The following SPTBN2 variants were observed in gnomAD, a reference collection of about 807,000 sequenced individuals.
SPTBN2 encodes the protein spectrin beta, non-erythrocytic 2.
A neutral mutation model predicts 284.2 loss-of-function variants in SPTBN2; 107 were observed. The ratio of observed to expected loss-of-function variants is 0.38; its 90% CI spans 0.32 to 0.44. The LOEUF is 0.44. SPTBN2 is among the 20% of genes least tolerant of loss of function. The probability of loss-of-function intolerance (pLI) is 1.00; values close to 1 mark genes in which losing one functional copy is unlikely to be tolerated. For synonymous variants in SPTBN2, 1,289 were observed against 1,354.8 expected, an observed-to-expected ratio of 0.95 and a Z score of 1.07; for missense variants, 2,569 against 3,287.1, an observed-to-expected ratio of 0.78 and a Z score of 5.34.
In SPTBN2 at chr11:66,689,837, G is replaced by C. The variant is rs778987846; in HGVS notation, c.5917C>G (p.Leu1973Val). 2 of 1,613,988 alleles carry C rather than the reference G, an allele frequency of 1.2e-6. No homozygotes were observed. The highest frequency in any genetic ancestry group is 1.7e-6 in the Non-Finnish European group (2 of 1,180,048). Residue 1973 changes from leucine (L) to valine (V), a missense_variant, in exon 29 of 38, where the codon CTG (leucine) becomes GTG (valine). By Grantham distance (32) the Leu-to-Val change is conservative. Transcript: ENST00000533211. ...FSSCIDMGKE[L>V]LARSHYAAEE... Reference sequence around the variant, plus strand: ...GCCGCATAGTGGCTCCTGGCCAGCAGCTCCTTCCCCATGTCGATGCAGGAG... The same window carrying C: ...GCCGCATAGTGGCTCCTGGCCAGCACCTCCTTCCCCATGTCGATGCAGGAG...
In SPTBN2 at chr11:66,710,811, G is replaced by C; in HGVS notation, c.886-42C>G. On this transcript the variant is annotated intron_variant, in intron 9 of 37. Transcript: ENST00000533211. The surrounding 1 kb of genome is among the most constrained non-coding windows in gnomAD (Gnocchi z 4.9). ...AGGGACGTGACAGTCCCAGCCACAG[G>C]GTCCCTGGCCCAGTCCTGCAGCTCC... 6.2e-7 allele frequency: 1 copy of C among 1,612,652 alleles called. No homozygotes were observed.
Position 66,715,641 on chromosome 11 carries a change from T to C in SPTBN2, c.309+189A>G, listed in dbSNP as rs1942107250. On this transcript the variant is annotated intron_variant, in intron 4 of 37. Coordinates refer to ENST00000533211, the MANE Select transcript of SPTBN2 (RefSeq NM_006946.4). The surrounding 1 kb of genome is among the most constrained non-coding windows in gnomAD (Gnocchi z 5.3). The stretch of plus-strand genomic sequence containing the variant: ...ATGTTTTCAATGGGGCCACTGTTCC[T>C]GTCTCCATGAAGCAATGCTCCTATG... Among the ~76,000 whole-genome samples, 1 of 152,252 alleles carries C rather than the reference T, an allele frequency of 6.6e-6. No homozygotes were observed. Among genetic ancestry groups the C allele is most frequent in the Non-Finnish European group, 1.5e-5 (1 of 68,040 alleles).
rs148293687 is a variant in SPTBN2, at chr11:66,690,168, C to A, written c.5681G>T (p.Gly1894Val). 2.7e-5 allele frequency: 43 copies of A among 1,614,000 alleles called. No individual in the cohort carries two copies. The African/African-American group carries it at 5.6e-4, about 21-fold the overall frequency. Residue 1894 changes from glycine (G) to valine (V), a missense_variant, in exon 28 of 38, where the codon GGA becomes GTA. Around this residue, in one of 6 missense-constraint regions of SPTBN2, gnomAD observed 1,130 missense variants for 1,317.3 expected, o/e 0.86. Transcript: ENST00000533211. ...AVAEAWAQLQGSSAARRQLLL... is the reference protein window; with the variant it reads ...AVAEAWAQLQVSSAARRQLLL... ...CAGCTGCCGGCGGGCGGCAGAGCTT[C>A]CCTGAAGCTGGGCCCAGGCCTCGGC...
upstream of SPTBN2, among the ~76,000 whole-genome samples, chr11:66,730,099 G>A (rs1590996045): frequency 6.6e-6 from 1 of 152,214 alleles, no homozygotes; most frequent in Middle Eastern, 3.4e-3. Flanking sequence ...GCCGTGCCAG[G>A]CCTGAGGCTA....
Position 66,685,640 on chromosome 11 carries a change from G to T in SPTBN2, c.*231C>A. 1 of 556,064 alleles carries T rather than the reference G, an allele frequency of 1.8e-6. No homozygotes were observed. Among genetic ancestry groups the T allele is most frequent in the Non-Finnish European group, 3.3e-6 (1 of 306,804 alleles). The allele number at this position is 556,064 out of a possible 1,614,324, so 34.4% of individuals were successfully genotyped here. ...GGAAAGGGGAGAAGTCGGCGGGGGT[G>T]GGAGAGGGGGTTACCTGGGTCCCAC... On this transcript the variant is annotated 3_prime_UTR_variant, in exon 38 of 38. Transcript: ENST00000533211. The surrounding 1 kb of genome is among the most constrained non-coding windows in gnomAD (Gnocchi z 4.4).
chr11:66,727,951 CT>C (rs1330668395), intron 1 of SPTBN2: 6 of 150,492 alleles, frequency 4.0e-5, no homozygotes, highest in East Asian at 3.9e-4. Flanking sequence ...GTCCCCCCCC[CT>C]CGGCCTTGGC....
At chr11:66,722,042 T>G (rs1019193392) in intron 1 of SPTBN2, among the ~76,000 whole-genome samples, 2 of 151,796 alleles carry the variant, frequency 1.3e-5, no homozygotes, top group Admixed American at 6.6e-5. Flanking sequence ...TAAGAAAAAG[T>G]TATGATACGC....
At chr11:66,705,864 G>T in intron 13 of SPTBN2, 27 bp from the exon 14 acceptor site, 1 of 1,610,250 alleles carries the variant, frequency 6.2e-7, no homozygotes, top group Admixed American at 1.7e-5. Context: ...AAGTGCACAT[G>T]CCCGCCTGAG....
intron 10 of SPTBN2, among the ~76,000 whole-genome samples, 160 bp from the exon 11 acceptor site, chr11:66,709,179 T>C (rs1038433657): frequency 1.3e-5 from 2 of 151,572 alleles, no homozygotes; most frequent in Non-Finnish European, 2.9e-5. Context: ...CAAAAGAACA[T>C]CATTTTATTT....
intron 18 of SPTBN2, 112 bp downstream of exon 18, chr11:66,699,294 T>C (rs1941109755): frequency 5.0e-6 from 7 of 1,387,852 alleles, no homozygotes; most frequent in African/African-American, 1.4e-5. Flanking sequence ...TCTACTTCTC[T>C]GTCAGCTCCT....
rs769985831 is a variant in SPTBN2 at position 66,691,242 on chromosome 11, C to T, written c.5565+42G>A. The T allele has an allele frequency of 2.7e-5, 40 of 1,503,980 alleles. No individual in the cohort carries two copies. Among genetic ancestry groups the T allele is most frequent in the Non-Finnish European group, 3.5e-5 (39 of 1,125,766 alleles). The allele number at this position is 1,503,980 out of a possible 1,614,324, so 93.2% of individuals were successfully genotyped here. ...ACTCTCCCCGGCATTTCCCCCATGGCCTCCTCTAAGCCTCCCCCACCTCCT... is the reference window on the plus strand; with the variant it reads ...ACTCTCCCCGGCATTTCCCCCATGGTCTCCTCTAAGCCTCCCCCACCTCCT... On this transcript the variant is annotated intron_variant, in intron 27 of 37. Transcript: ENST00000533211. The surrounding 1 kb of genome is among the most constrained non-coding windows in gnomAD (Gnocchi z 8.0).
intron 1 of SPTBN2, among the ~76,000 whole-genome samples, chr11:66,725,684 C>T (rs372394548): frequency 9.8e-5 from 15 of 152,312 alleles, no homozygotes; most frequent in African/African-American, 3.6e-4. Flanking sequence ...CAAGGCCAGG[C>T]CCAAGTAGCT....
chr11:66,700,759 C>G lies in SPTBN2; in HGVS notation c.3340G>C (p.Val1114Leu). ...CTATACTCGCTCTGGGCCCGCTCCA[C>G]CTCTCCCCGCAGGGCTGCATGTTGG... ...LAQHAALRGE[V>L]ERAQSEYSRL... The change falls in exon 17 of 38, where the codon GTG (valine) becomes CTG (leucine). Residue 1114 changes from valine to leucine, a missense_variant. Physicochemically the swap from Val to Leu is conservative, Grantham distance 32. Around this residue, in one of 6 missense-constraint regions of SPTBN2, gnomAD observed 1,012 missense variants for 1,248.9 expected, o/e 0.81. Transcript: ENST00000533211. The surrounding 1 kb of genome is among the most constrained non-coding windows in gnomAD (Gnocchi z 6.6). 2 of 1,602,398 alleles carry G rather than the reference C, an allele frequency of 1.2e-6. No individual in the cohort carries two copies. Among genetic ancestry groups the G allele is most frequent in the Admixed American group, 1.7e-5 (1 of 59,988 alleles).
At chr11:66,721,053 T>G in intron 3 of SPTBN2, 31 bp downstream of exon 3, 1 of 1,613,728 alleles carries the variant, frequency 6.2e-7, no homozygotes, top group Non-Finnish European at 8.5e-7. Flanking sequence ...TCCTCCAGCA[T>G]CCCCCCACCT....
At chr11:66,725,859 C>A (rs1942603316) in intron 1 of SPTBN2, among the ~76,000 whole-genome samples, 1 of 152,156 alleles carries the variant, frequency 6.6e-6, no homozygotes, top group Admixed American at 6.5e-5. Flanking sequence ...AAATCCTATA[C>A]CCTGGGCTAC....
chr11:66,715,739 G>A lies in SPTBN2; in HGVS notation c.309+91C>T. The A allele has an allele frequency of 3.2e-6, 5 of 1,544,418 alleles. No homozygotes were observed. Among genetic ancestry groups the A allele is most frequent in the Non-Finnish European group, 4.4e-6 (5 of 1,139,170 alleles). On this transcript the variant is annotated intron_variant, in intron 4 of 37. Transcript: ENST00000533211. The surrounding 1 kb of genome is among the most constrained non-coding windows in gnomAD (Gnocchi z 5.3). ...AGGGAGCCACTGCTTCCCGCCCTGT[G>A]CCGTCACTCTCTCTGAGGGCTGTTC...
At chr11:66,741,873 G>C (rs898071057) in intron 1 of SPTBN2, among the ~76,000 whole-genome samples, 14 of 151,944 alleles carry the variant, frequency 9.2e-5, no homozygotes, top group Non-Finnish European at 7.4e-5. Flanking sequence ...CTAAGCTGGA[G>C]TGCAGTGGCA....
At chr11:66,698,556 G>T (rs1941062124) in intron 20 of SPTBN2, 83 bp downstream of exon 20, 1 of 1,604,982 alleles carries the variant, frequency 6.2e-7, no homozygotes, top group South Asian at 1.1e-5. Flanking sequence ...CTCTAACCAT[G>T]ACAAAAACCA....
At position 66,694,124 on chromosome 11, in the gene SPTBN2, G is replaced by A. The variant is rs766391301; in HGVS notation, c.4503+15C>T. 19 of 1,602,386 alleles carry A rather than the reference G, an allele frequency of 1.2e-5. No individual in the cohort carries two copies. The Admixed American group carries it at 3.2e-4, about 27-fold the overall frequency. On this transcript the variant is annotated intron_variant, in intron 22 of 37. Coordinates refer to ENST00000533211, the MANE Select transcript of SPTBN2 (RefSeq NM_006946.4). Reference sequence around the variant, plus strand: ...GGCTGGGGGCAGCTTGCCGTCCTTGGCCCCAGTGACTCACAATCTCATCTT... The same window carrying A: ...GGCTGGGGGCAGCTTGCCGTCCTTGACCCCAGTGACTCACAATCTCATCTT...
Sources: gnomAD v4.1 joint callset for allele counts (sites outside exome capture counted in the v4.1 genomes callset) on GRCh38, gnomAD v4.1.1 for gene constraint, gnomAD v4.1.1 regional missense constraint, Gnocchi (gnomAD v3.1) non-coding constraint, MANE v1.5 for transcripts, NCBI Gene and HGNC (gene_info 2026-07-23, HGNC 2026-07-21) for gene names.